Variants in SORCS1 observed in about 807,000 individuals in gnomAD.
The protein encoded by SORCS1 is VPS10 domain-containing receptor SorCS1.
In SORCS1, 60 loss-of-function variants were observed where a neutral mutation model predicts 146.1. The observed-to-expected ratio is 0.41, with a 90% CI of 0.33 to 0.51. The LOEUF is 0.51. SORCS1 is among the 20% of genes least tolerant of loss of function. The probability of loss-of-function intolerance (pLI) is 0.21; values close to 1 mark genes in which losing one functional copy is unlikely to be tolerated. For synonymous variants in SORCS1, 637 were observed against 584.0 expected (o/e 1.09, Z -1.31); for missense variants, 1,352 against 1,487.6 (o/e 0.91, Z 1.50).
chr10:106,603,589 A>G (rs977712092), intron 23 of SORCS1, among the ~76,000 whole-genome samples: 1 of 152,118 alleles, frequency 6.6e-6, no homozygotes, highest in African/African-American at 2.4e-5. Context: ...ACCTCTGTCT[A>G]GGATCCCAGT....
At chr10:107,013,764 T>C (rs973656627) in intron 1 of SORCS1, among the ~76,000 whole-genome samples, 1 of 152,146 alleles carries the variant, frequency 6.6e-6, no homozygotes, top group African/African-American at 2.4e-5. Context: ...TGCCAGCGTG[T>C]CTGACCTCCT....
chr10:107,023,399 G>C (rs1423893855), intron 1 of SORCS1, among the ~76,000 whole-genome samples: 1 of 152,112 alleles, frequency 6.6e-6, no homozygotes, highest in Non-Finnish European at 1.5e-5. Flanking sequence ...GATTTTAACT[G>C]GTTGTATTCA....
At chr10:106,826,585 A>G (rs142851709) in intron 3 of SORCS1, among the ~76,000 whole-genome samples, 16 of 152,350 alleles carry the variant, frequency 1.1e-4, no homozygotes, top group African/African-American at 3.1e-4. Flanking sequence ...GGGTGGGCGG[A>G]GTACATATTT....
chr10:106,650,545 T>A (rs928715930), intron 18 of SORCS1, among the ~76,000 whole-genome samples: 1 of 152,196 alleles, frequency 6.6e-6, no homozygotes, highest in Non-Finnish European at 1.5e-5. Context: ...GTGTGCTGCT[T>A]CCCTGTGCTT....
At chr10:106,864,314 C>T (rs1461976835) in intron 2 of SORCS1, among the ~76,000 whole-genome samples, 1 of 152,128 alleles carries the variant, frequency 6.6e-6, no homozygotes, top group Non-Finnish European at 1.5e-5. Context: ...TAACCTCCCC[C>T]GCCCAGGGAA....
chr10:107,103,494 A>G (rs1031421181), intron 1 of SORCS1, among the ~76,000 whole-genome samples: 7 of 152,336 alleles, frequency 4.6e-5, no homozygotes, highest in African/African-American at 1.7e-4. Flanking sequence ...TCCTCAGCAT[A>G]AGGTCTCTTT....
At chr10:106,605,818 C>A (rs1846535836) in intron 23 of SORCS1, among the ~76,000 whole-genome samples, 1 of 152,148 alleles carries the variant, frequency 6.6e-6, no homozygotes, top group Admixed American at 6.5e-5. Context: ...ACAGGGGAGC[C>A]TTCTGCCAAG....
chr10:106,716,111 A>G (rs1855352818), intron 6 of SORCS1, among the ~76,000 whole-genome samples: 1 of 152,130 alleles, frequency 6.6e-6, no homozygotes, highest in Non-Finnish European at 1.5e-5. Flanking sequence ...TACGTTTTTA[A>G]AAACACCATG....
intron 1 of SORCS1, among the ~76,000 whole-genome samples, chr10:107,136,506 A>G (rs1967312803): frequency 6.6e-6 from 1 of 152,200 alleles, no homozygotes; most frequent in South Asian, 2.1e-4. Flanking sequence ...TCAGAGTTTC[A>G]GTGCAGAAAA....
intron 1 of SORCS1, among the ~76,000 whole-genome samples, chr10:107,063,755 G>A (rs1329311439): frequency 6.6e-6 from 1 of 152,144 alleles, no homozygotes; most frequent in African/African-American, 2.4e-5. Context: ...GATGCAGATG[G>A]TAAGATTGTG....
intron 18 of SORCS1, among the ~76,000 whole-genome samples, chr10:106,647,652 T>C (rs189463428): frequency 1.3e-5 from 2 of 152,304 alleles, no homozygotes; most frequent in Admixed American, 6.5e-5. Flanking sequence ...TGGATATGCA[T>C]GTGGATGAAA....
intron 5 of SORCS1, among the ~76,000 whole-genome samples, chr10:106,737,126 A>C (rs1220615454): frequency 6.6e-6 from 1 of 152,022 alleles, no homozygotes; most frequent in African/African-American, 2.4e-5. Flanking sequence ...GGAATGAAGA[A>C]ATACATAAAG....
chr10:107,164,802 C>A (rs1183754928), upstream of SORCS1, among the ~76,000 whole-genome samples: 1 of 148,052 alleles, frequency 6.8e-6, no homozygotes, highest in Non-Finnish European at 1.5e-5. This position sits in a 1 kb window ranked among gnomAD's most constrained non-coding sequence, Gnocchi z 6.8. Context: ...TGGCGGGCGA[C>A]GCGGGAGGGA....
chr10:107,056,931 G>T (rs1283423658), intron 1 of SORCS1, among the ~76,000 whole-genome samples: 1 of 152,160 alleles, frequency 6.6e-6, no homozygotes, highest in Non-Finnish European at 1.5e-5. Context: ...CCCTATTTAT[G>T]CCTGTCCCCC....
At chr10:106,624,145 G>A (rs1332889218) in intron 19 of SORCS1, among the ~76,000 whole-genome samples, 3 of 152,002 alleles carry the variant, frequency 2.0e-5, no homozygotes, top group Non-Finnish European at 4.4e-5. Flanking sequence ...GTGTGATGAT[G>A]GAAGACCTCT....
intron 24 of SORCS1, 59 bp from the exon 25 acceptor site, chr10:106,579,533 TG>T: frequency 1.3e-6 from 2 of 1,529,584 alleles, no homozygotes; most frequent in Non-Finnish European, 1.8e-6. Context: ...TGAGACTCTA[TG>T]AGAGGCTCAA....
At chr10:106,858,221 A>G (rs1388184742) in intron 2 of SORCS1, among the ~76,000 whole-genome samples, 1 of 152,202 alleles carries the variant, frequency 6.6e-6, no homozygotes, top group Non-Finnish European at 1.5e-5. Context: ...AAGGGATAGA[A>G]GTTCTCATCT....
At chr10:107,084,408 A>G (rs1054950431) in intron 1 of SORCS1, among the ~76,000 whole-genome samples, 2 of 151,850 alleles carry the variant, frequency 1.3e-5, no homozygotes. Context: ...TGGCCAGGAA[A>G]AGGTTTTAAA....
intron 2 of SORCS1, among the ~76,000 whole-genome samples, chr10:106,922,633 G>A (rs1449506840): frequency 1.3e-5 from 2 of 152,070 alleles, no homozygotes; most frequent in South Asian, 4.1e-4. Context: ...AGCCTCCCCT[G>A]CTATCAACAT....
Sources: allele counts gnomAD v4.1 joint callset (sites outside exome capture counted in the v4.1 genomes callset), GRCh38; gene constraint gnomAD v4.1.1; non-coding constraint Gnocchi (gnomAD v3.1); transcripts MANE v1.5; gene names NCBI Gene and HGNC (gene_info 2026-07-23, HGNC 2026-07-21).